Variants in NRXN3 observed in about 807,000 individuals in gnomAD.
The protein encoded by NRXN3 is neurexin 3.
In NRXN3, 32 loss-of-function variants were observed where a neutral mutation model predicts 137.6. That is an observed-to-expected ratio of 0.23 (90% CI 0.18 to 0.31). The LOEUF is 0.31. Among genes scored for constraint, NRXN3 ranks in the 10% least tolerant of loss-of-function variants. The probability of loss-of-function intolerance (pLI) is 1.00; values close to 1 mark genes in which losing one functional copy is unlikely to be tolerated. For missense variants in NRXN3, 1,574 were observed against 2,062.5 expected, an observed-to-expected ratio of 0.76 and a Z score of 4.59; for synonymous variants, 798 against 784.5, an observed-to-expected ratio of 1.02 and a Z score of -0.29.
intron 8 of NRXN3, among the ~76,000 whole-genome samples, chr14:78,736,283 T>C (rs1471510626): frequency 3.3e-5 from 5 of 152,154 alleles, no homozygotes; most frequent in Non-Finnish European, 5.9e-5. Flanking sequence ...GGCAAGATGG[T>C]GTGATGGATA....
chr14:78,428,767 C>A (rs1457493828), intron 4 of NRXN3, among the ~76,000 whole-genome samples: 1 of 152,172 alleles, frequency 6.6e-6, no homozygotes, highest in Non-Finnish European at 1.5e-5. Context: ...AGGACAGATT[C>A]TGTCTTACTG....
At chr14:78,548,242 A>ACTTTGAC in intron 4 of NRXN3, among the ~76,000 whole-genome samples, 2 of 152,116 alleles carry the variant, frequency 1.3e-5, no homozygotes, top group East Asian at 3.9e-4. Flanking sequence ...TGAATAAGAT[A>ACTTTGAC]CTTTGATAAG....
chr14:79,626,935 T>C (rs2098288347), intron 16 of NRXN3, among the ~76,000 whole-genome samples: 1 of 152,290 alleles, frequency 6.6e-6, no homozygotes, highest in African/African-American at 2.4e-5. Flanking sequence ...GACTGGCCCA[T>C]TATCAGACCC....
rs753449383 is a variant in NRXN3, at chr14:78,190,610, C to CATTTATTT, written c.-704+19974_-704+19981dup. Among the ~76,000 whole-genome samples the CATTTATTT allele has an allele frequency of 6.3e-3, 931 of 146,732 alleles. 11 individuals are homozygous for CATTTATTT. The highest frequency in any genetic ancestry group is 0.018 in the South Asian group (79 of 4,458). On this transcript the variant is annotated intron_variant, in intron 1 of 20. Transcript: ENST00000335750. ...GGAAGAATGCAGCTTGTGTCAGTAACATTTATTTATTTATTTATTTATTTA... is the reference window on the plus strand; with the variant it reads ...GGAAGAATGCAGCTTGTGTCAGTAACATTTATTTATTTATTTATTTATTTATTTATTTA...
chr14:78,740,586 T>C (rs969606552), intron 8 of NRXN3, among the ~76,000 whole-genome samples: 1 of 150,854 alleles, frequency 6.6e-6, no homozygotes, highest in African/African-American at 2.4e-5. Context: ...CCTGCACCAC[T>C]GCCCTCCACA....
At chr14:78,514,893 C>T (rs893263586) in intron 4 of NRXN3, among the ~76,000 whole-genome samples, 19 of 152,086 alleles carry the variant, frequency 1.2e-4, no homozygotes, top group African/African-American at 4.6e-4. Context: ...GGGTGATTGG[C>T]ATTCCTGGCA....
intron 5 of NRXN3, among the ~76,000 whole-genome samples, chr14:78,647,408 T>TG (rs1229617981): frequency 1.3e-5 from 2 of 152,238 alleles, no homozygotes; most frequent in Non-Finnish European, 2.9e-5. Context: ...CGCAGCCATG[T>TG]GTGGTGGCTA....
At chr14:78,232,960 G>A (rs1406553354) in intron 1 of NRXN3, among the ~76,000 whole-genome samples, 1 of 152,176 alleles carries the variant, frequency 6.6e-6, no homozygotes, top group Non-Finnish European at 1.5e-5. Context: ...CACCTTACAA[G>A]GCCTGAGTTC....
In NRXN3 at chr14:79,084,374, A is replaced by C. The variant is rs2047667767; in HGVS notation, c.3262+96233A>C. 2.0e-5 allele frequency among the ~76,000 whole-genome samples: 3 copies of C among 152,216 alleles called. No individual in the cohort carries two copies. The South Asian group carries it at 6.2e-4, about 31-fold the overall frequency. ...TGATAATTTACAAAAATAAAATTTC[A>C]AAAATTCCAGTAGTCAACTCTAAGC... On this transcript the variant is annotated intron_variant, in intron 15 of 20. Transcript: ENST00000335750.
At chr14:79,022,994 G>T (rs1405684799) in intron 15 of NRXN3, among the ~76,000 whole-genome samples, 3 of 152,056 alleles carry the variant, frequency 2.0e-5, no homozygotes, top group Non-Finnish European at 4.4e-5. Flanking sequence ...CATAGGGAAG[G>T]AATTAAAGCT....
intron 15 of NRXN3, among the ~76,000 whole-genome samples, chr14:79,380,467 G>A (rs780174863): frequency 2.0e-5 from 3 of 151,548 alleles, no homozygotes; most frequent in Admixed American, 2.0e-4. Flanking sequence ...CTGTCCTTGC[G>A]ATAGTTTACT....
chr14:79,713,133 G>T (rs891203891), intron 19 of NRXN3, among the ~76,000 whole-genome samples: 1 of 146,274 alleles, frequency 6.8e-6, no homozygotes, highest in Non-Finnish European at 1.5e-5. Context: ...TCACAGTTTG[G>T]TGTCTAATTC....
chr14:78,957,077 C>G (rs2099398189), intron 10 of NRXN3, among the ~76,000 whole-genome samples, 165 bp from the exon 11 acceptor site: 1 of 152,102 alleles, frequency 6.6e-6, no homozygotes, highest in Non-Finnish European at 1.5e-5. Context: ...TTTGGGGACT[C>G]CTACAGAGAA....
chr14:78,857,330 A>G (rs2099060289), intron 10 of NRXN3, among the ~76,000 whole-genome samples: 1 of 152,214 alleles, frequency 6.6e-6, no homozygotes, highest in African/African-American at 2.4e-5. Context: ...AATGCTGCAT[A>G]AAGCAGTGTT....
chr14:78,648,661 C>T (rs1284032121), intron 5 of NRXN3, among the ~76,000 whole-genome samples: 1 of 152,170 alleles, frequency 6.6e-6, no homozygotes, highest in African/African-American at 2.4e-5. Context: ...ATAAGGCAGA[C>T]TTTCTATGCT....
chr14:78,324,414 A>G (rs550817405), intron 4 of NRXN3, among the ~76,000 whole-genome samples: 2 of 152,122 alleles, frequency 1.3e-5, no homozygotes, highest in Non-Finnish European at 2.9e-5. Context: ...GGAAGCTGTC[A>G]GAAAGTGGGA....
At chr14:78,874,792 C>G (rs979269718) in intron 10 of NRXN3, among the ~76,000 whole-genome samples, 1 of 152,152 alleles carries the variant, frequency 6.6e-6, no homozygotes, top group Non-Finnish European at 1.5e-5. Context: ...GAATCAGGAG[C>G]CTGTGTTTGA....
chr14:79,598,159 A>ATCT (rs1348298936), intron 16 of NRXN3, among the ~76,000 whole-genome samples: 2 of 152,236 alleles, frequency 1.3e-5, no homozygotes, highest in Admixed American at 1.3e-4. Flanking sequence ...TGCTTTGAAT[A>ATCT]GATAAAGAGA....
At chr14:79,165,260 A>T (rs193240729) in intron 15 of NRXN3, among the ~76,000 whole-genome samples, 1 of 152,004 alleles carries the variant, frequency 6.6e-6, no homozygotes, top group Non-Finnish European at 1.5e-5. Context: ...CTGAAATAGC[A>T]TAATAATTAA....
Sources: allele counts gnomAD v4.1 joint callset (sites outside exome capture counted in the v4.1 genomes callset), GRCh38; gene constraint gnomAD v4.1.1; transcripts MANE v1.5; gene names NCBI Gene and HGNC (gene_info 2026-07-23, HGNC 2026-07-21).